The following EYS variants were observed in gnomAD, a reference collection of about 807,000 sequenced individuals.
The protein encoded by EYS is EGF-like photoreceptor maintenance factor, also known as protein eyes shut homolog.
In EYS, 250 loss-of-function variants were observed where a neutral mutation model predicts 282.1. The observed-to-expected ratio is 0.89, with a 90% CI of 0.80 to 0.98. The LOEUF (loss-of-function observed/expected upper bound fraction) is 0.98. EYS is among the 50% of genes least tolerant of loss of function. The pLI is 0.00. For missense variants in EYS, 4,016 were observed against 3,709.0 expected (o/e 1.08, Z -2.15); for synonymous variants, 1,355 against 1,282.9 (o/e 1.06, Z -1.20).
intron 31 of EYS, among the ~76,000 whole-genome samples, chr6:64,226,664 CAAGGTTTAGCT>C (rs996118226): frequency 5.9e-5 from 9 of 151,918 alleles, no homozygotes; most frequent in African/African-American, 9.7e-5. Context: ...AAGTAGGCAA[CAAGGTTTAGCT>C]AATATGAATT....
At chr6:64,728,124 C>A (rs1771822468) in intron 22 of EYS, among the ~76,000 whole-genome samples, 1 of 152,064 alleles carries the variant, frequency 6.6e-6, no homozygotes, top group South Asian at 2.1e-4. Context: ...GGTGCAGGAG[C>A]CAGGGCAAGT....
At chr6:65,174,022 A>T (rs626832) in intron 12 of EYS, among the ~76,000 whole-genome samples, 57,574 of 150,908 alleles carry the variant, frequency 0.38, 12,322 homozygotes, top group African/African-American at 0.58. Context: ...GATTGAATAA[A>T]ATGAGAAATA....
In EYS at chr6:64,619,387, A is replaced by G. The variant is rs558521797; in HGVS notation, c.3569-1854T>C. On this transcript the variant is annotated intron_variant, in intron 23 of 42. Coordinates refer to ENST00000503581, the MANE Select transcript of EYS (RefSeq NM_001142800.2). The stretch of plus-strand genomic sequence containing the variant: ...AGAAGACTTCATTCAAGAGTACTGC[A>G]TAGGAGACAGATTTTTACAATAGAG... Among the ~76,000 whole-genome samples, 3 of 152,284 alleles carry G rather than the reference A, an allele frequency of 2.0e-5. No homozygotes were observed. In the South Asian group the frequency reaches 6.2e-4, roughly 32 times the overall value.
intron 11 of EYS, among the ~76,000 whole-genome samples, chr6:65,326,049 C>T (rs1279416487): frequency 6.6e-6 from 1 of 152,000 alleles, no homozygotes; most frequent in African/African-American, 2.4e-5. Flanking sequence ...AAATAGAAAC[C>T]CATGCACTAC....
chr6:64,143,496 G>A (rs1467766280), intron 31 of EYS, among the ~76,000 whole-genome samples: 2 of 151,886 alleles, frequency 1.3e-5, no homozygotes, highest in Non-Finnish European at 2.9e-5. Context: ...TAACCTAAAA[G>A]TGCAATTAAA....
At chr6:64,568,952 G>A (rs1203383981) in intron 26 of EYS, among the ~76,000 whole-genome samples, 6 of 140,546 alleles carry the variant, frequency 4.3e-5, no homozygotes, top group South Asian at 2.5e-4. Flanking sequence ...CAAAAAGGAC[G>A]CCCACACAGA....
chr6:64,861,670 A>G (rs575807391), intron 19 of EYS, among the ~76,000 whole-genome samples: 7 of 152,142 alleles, frequency 4.6e-5, no homozygotes, highest in African/African-American at 1.7e-4. Flanking sequence ...TTTTAAATAA[A>G]TTTTTTCAAA....
intron 13 of EYS, among the ~76,000 whole-genome samples, chr6:65,010,897 G>A (rs1443785712): frequency 6.6e-6 from 1 of 152,158 alleles, no homozygotes. Flanking sequence ...CTAAAGAGGT[G>A]GCTGTCTTAC....
intron 22 of EYS, among the ~76,000 whole-genome samples, chr6:64,667,884 A>C (rs1200704762): frequency 6.6e-6 from 1 of 152,198 alleles, no homozygotes; most frequent in Non-Finnish European, 1.5e-5. Context: ...ACTTTGAGCC[A>C]GTATTTGCAG....
At chr6:65,031,762 G>C (rs1772612585) in intron 13 of EYS, among the ~76,000 whole-genome samples, 1 of 151,718 alleles carries the variant, frequency 6.6e-6, no homozygotes. Flanking sequence ...AGCACTAAAG[G>C]CTCACATCAA....
At chr6:65,420,985 C>T (rs368846328) in intron 5 of EYS, among the ~76,000 whole-genome samples, 6 of 151,854 alleles carry the variant, frequency 4.0e-5, no homozygotes, top group Admixed American at 1.3e-4. Context: ...TTCTAGAGGG[C>T]AGGCAGAGTA....
At chr6:65,437,413 G>A (rs1182555456) in intron 5 of EYS, among the ~76,000 whole-genome samples, 1 of 151,996 alleles carries the variant, frequency 6.6e-6, no homozygotes. Context: ...GAAAGAAAAA[G>A]GGAATTTTGG....
chr6:64,236,719 C>CT (rs35525435), intron 30 of EYS, among the ~76,000 whole-genome samples: 47,112 of 147,798 alleles, frequency 0.32, 7,328 homozygotes, highest in East Asian at 0.51. Context: ...CTTTTTCTTC[C>CT]TTTTTTTTCA....
At chr6:64,303,618 G>A (rs907624841) in intron 30 of EYS, among the ~76,000 whole-genome samples, 10 of 151,860 alleles carry the variant, frequency 6.6e-5, no homozygotes, top group African/African-American at 2.4e-4. Flanking sequence ...CGAGACGGGC[G>A]GATCACGAGG....
rs1770805309 is a variant in EYS at position 64,051,368 on chromosome 6, TAGA to T, written c.6725+14967_6725+14969del. On this transcript the variant is annotated intron_variant, in intron 33 of 42. Transcript: ENST00000503581. ...TTATATGTGTCCTTTCTTTTTTTCTTAGAAGAACAGGTAGAGGACTAATGCACA... is the reference window on the plus strand; with the variant it reads ...TTATATGTGTCCTTTCTTTTTTTCTTAGAACAGGTAGAGGACTAATGCACA... Among the ~76,000 whole-genome samples the T allele has an allele frequency of 2.0e-5, 3 of 152,240 alleles. No homozygotes were observed. The East Asian group carries it at 5.8e-4, about 29-fold the overall frequency.
At chr6:63,741,983 G>T (rs1346908592) in intron 41 of EYS, 7 of 702,098 alleles carry the variant, frequency 1.0e-5, no homozygotes, top group Non-Finnish European at 1.8e-5. Context: ...GTGCTAAGAA[G>T]ACAAGAGAAG....
chr6:64,881,899 A>T (rs1313409061), intron 19 of EYS, among the ~76,000 whole-genome samples: 2 of 151,892 alleles, frequency 1.3e-5, no homozygotes. Context: ...AAAGCCAAGG[A>T]CAGTCTATAA....
At chr6:65,225,385 T>A (rs541857420) in intron 12 of EYS, among the ~76,000 whole-genome samples, 1 of 151,572 alleles carries the variant, frequency 6.6e-6, no homozygotes, top group Non-Finnish European at 1.5e-5. Flanking sequence ...CCAAGGGGGA[T>A]GTATCCCAGA....
At chr6:64,313,588 C>T (rs184749370) in intron 29 of EYS, among the ~76,000 whole-genome samples, 1 of 152,242 alleles carries the variant, frequency 6.6e-6, no homozygotes, top group Non-Finnish European at 1.5e-5. Context: ...TTGTCAGATT[C>T]ACCAAGGTTG....
Sources: gnomAD v4.1 joint callset for allele counts (sites outside exome capture counted in the v4.1 genomes callset) on GRCh38, gnomAD v4.1.1 for gene constraint, MANE v1.5 for transcripts, NCBI Gene and HGNC (gene_info 2026-07-23, HGNC 2026-07-21) for gene names.